Variants in DLC1 observed in about 807,000 individuals in gnomAD.
DLC1 encodes the protein rho GTPase-activating protein 7.
Under a neutral mutation model 140.3 loss-of-function variants are expected in DLC1, and 54 were observed. The ratio of observed to expected loss-of-function variants is 0.38; its 90% CI spans 0.31 to 0.48. The LOEUF (loss-of-function observed/expected upper bound fraction) is 0.48, where lower values mean the gene tolerates loss of function less well. DLC1 is among the 20% of genes least tolerant of loss of function. The probability of loss-of-function intolerance (pLI) is 0.96; values close to 1 mark genes in which losing one functional copy is unlikely to be tolerated. For missense variants in DLC1, 2,536 were observed against 1,907.0 expected (o/e 1.33, Z -6.14); for synonymous variants, 986 against 728.1 (o/e 1.35, Z -5.70).
At chr8:13,120,356 A>AAAAAAAAATATATATATATATAT in intron 5 of DLC1, among the ~76,000 whole-genome samples, 2,325 of 59,784 alleles carry the variant, frequency 0.039, 114 homozygotes, top group Non-Finnish European at 0.067. Context: ...AAAAAAAAAA[A>AAAAAAAAATATATATATATATAT]ATATATATAT....
chr8:13,327,131 T>C (rs1179399782), intron 4 of DLC1, among the ~76,000 whole-genome samples: 3 of 133,552 alleles, frequency 2.2e-5, no homozygotes, highest in Non-Finnish European at 4.6e-5. Flanking sequence ...TTTTTTTTTT[T>C]TTTTTTTTTT....
At chr8:13,406,420 G>T (rs1837563956) in intron 2 of DLC1, among the ~76,000 whole-genome samples, 1 of 151,936 alleles carries the variant, frequency 6.6e-6, no homozygotes, top group Admixed American at 6.6e-5. Flanking sequence ...TTTCATATTT[G>T]TGCAGCTATA....
intron 1 of DLC1, among the ~76,000 whole-genome samples, chr8:13,531,601 A>C (rs2117307694): frequency 6.6e-6 from 1 of 152,206 alleles, no homozygotes; most frequent in South Asian, 2.1e-4. Flanking sequence ...ACAAACCAAA[A>C]AACCCTTAAT....
At chr8:13,183,028 G>A (rs908065391) in intron 5 of DLC1, among the ~76,000 whole-genome samples, 7 of 152,058 alleles carry the variant, frequency 4.6e-5, no homozygotes, top group Non-Finnish European at 1.0e-4. Flanking sequence ...TTGAAGAGGT[G>A]CTTCGCATCC....
chr8:13,140,456 C>T (rs1355312744), intron 5 of DLC1, among the ~76,000 whole-genome samples: 1 of 151,842 alleles, frequency 6.6e-6, no homozygotes. Context: ...TCTTCTTGAA[C>T]TCCTGGGCTC....
At chr8:13,185,123 T>TG (rs1491450242) in intron 5 of DLC1, among the ~76,000 whole-genome samples, 1,153 of 86,360 alleles carry the variant, frequency 0.013, 24 homozygotes, top group African/African-American at 0.059. Flanking sequence ...CAACCCCTGC[T>TG]TTTTTTTTTT....
chr8:13,153,384 C>G (rs71522331), intron 5 of DLC1, among the ~76,000 whole-genome samples: 8,577 of 152,274 alleles, frequency 0.056, 354 homozygotes, highest in Middle Eastern at 0.075. Context: ...AAGCTGCAAA[C>G]CTTCACAGTG....
chr8:13,441,904 C>T (rs567830848), intron 2 of DLC1, among the ~76,000 whole-genome samples: 3 of 152,310 alleles, frequency 2.0e-5, no homozygotes, highest in Non-Finnish European at 2.9e-5. Context: ...CAAGTCAATC[C>T]TAAGCCAAAA....
At chr8:13,267,780 C>A (rs1830752338) in intron 5 of DLC1, among the ~76,000 whole-genome samples, 1 of 144,262 alleles carries the variant, frequency 6.9e-6, no homozygotes, top group African/African-American at 2.6e-5. Context: ...GTGCAATTGC[C>A]TAGATGTGCT....
At chr8:13,098,298 A>G (rs1398438806) in intron 10 of DLC1, 101 bp downstream of exon 10, 6 of 1,383,606 alleles carry the variant, frequency 4.3e-6, no homozygotes, top group South Asian at 1.3e-5. Flanking sequence ...AAATATATTA[A>G]TAAAGGAGAG....
At chr8:13,203,762 T>C (rs4570158) in intron 5 of DLC1, among the ~76,000 whole-genome samples, 3 of 152,354 alleles carry the variant, frequency 2.0e-5, no homozygotes, top group South Asian at 2.1e-4. Context: ...CTTTGTGATA[T>C]GATTCTTGTC....
At chr8:13,578,593 T>A (rs557749133) in intron 1 of DLC1, among the ~76,000 whole-genome samples, 1 of 152,214 alleles carries the variant, frequency 6.6e-6, no homozygotes. Context: ...TGACCTGCTA[T>A]AAATCCAGGG....
At chr8:13,564,945 A>T (rs1367706986) in intron 1 of DLC1, among the ~76,000 whole-genome samples, 1 of 152,194 alleles carries the variant, frequency 6.6e-6, no homozygotes, top group Non-Finnish European at 1.5e-5. Flanking sequence ...TGGTCCACAA[A>T]GCATTTTGAC....
At chr8:13,496,207 A>C (rs974918004) in intron 2 of DLC1, among the ~76,000 whole-genome samples, 4 of 152,214 alleles carry the variant, frequency 2.6e-5, no homozygotes, top group African/African-American at 7.2e-5. Flanking sequence ...CTAGTATTAG[A>C]CATCAACTAG....
At chr8:13,135,597 A>G (rs1822509079) in intron 5 of DLC1, among the ~76,000 whole-genome samples, 1 of 152,180 alleles carries the variant, frequency 6.6e-6, no homozygotes, top group Non-Finnish European at 1.5e-5. Context: ...TTCGAAACAT[A>G]CTAATTTATC....
At chr8:13,256,606 A>T (rs144007289) in intron 5 of DLC1, among the ~76,000 whole-genome samples, 278 of 152,262 alleles carry the variant, frequency 1.8e-3, no homozygotes, top group African/African-American at 6.6e-3. Context: ...CATCATTCTC[A>T]GCAAACTAAC....
intron 1 of DLC1, among the ~76,000 whole-genome samples, chr8:13,542,467 AT>A (rs560898479): frequency 3.1e-4 from 46 of 149,956 alleles, no homozygotes; most frequent in African/African-American, 9.0e-4. Flanking sequence ...ATTAAGTCTG[AT>A]TTTTTTTTTC....
intron 5 of DLC1, among the ~76,000 whole-genome samples, chr8:13,121,368 G>A (rs563012560): frequency 1.3e-5 from 2 of 152,214 alleles, no homozygotes; most frequent in South Asian, 4.2e-4. Context: ...GACCAATTTG[G>A]CAGGAATGTT....
intron 4 of DLC1, among the ~76,000 whole-genome samples, chr8:13,392,543 T>G (rs910041473): frequency 6.6e-6 from 1 of 152,182 alleles, no homozygotes; most frequent in Non-Finnish European, 1.5e-5. Context: ...TTATTTTAAA[T>G]GCAGTGAACA....
Sources: allele counts gnomAD v4.1 joint callset (sites outside exome capture counted in the v4.1 genomes callset), GRCh38; gene constraint gnomAD v4.1.1; transcripts MANE v1.5; gene names NCBI Gene and HGNC (gene_info 2026-07-23, HGNC 2026-07-21).